SOS1: variants seen among roughly 807,000 people sequenced by gnomAD.
The protein encoded by SOS1 is SOS Ras/Rac guanine nucleotide exchange factor 1, also known as son of sevenless homolog 1.
Under a neutral mutation model 157.6 loss-of-function variants are expected in SOS1, and 25 were observed. That is an observed-to-expected ratio of 0.16 (90% CI 0.12 to 0.22). The LOEUF is 0.22. Among genes scored for constraint, SOS1 ranks in the 10% least tolerant of loss-of-function variants. The pLI, the probability that SOS1 is intolerant of heterozygous loss-of-function variation, is 1.00. For synonymous variants in SOS1, 528 were observed against 534.0 expected, an observed-to-expected ratio of 0.99 and a Z score of 0.16; for missense variants, 1,237 against 1,599.1, an observed-to-expected ratio of 0.77 and a Z score of 3.86.
At chr2:39,062,283 T>C (rs1285771842) in intron 2 of SOS1, among the ~76,000 whole-genome samples, 2 of 151,720 alleles carry the variant, frequency 1.3e-5, no homozygotes, top group Non-Finnish European at 2.9e-5. Context: ...CCAAGCATGG[T>C]GGTGCTCGCT....
At chr2:39,033,922 TAA>T (rs906698708) in intron 8 of SOS1, among the ~76,000 whole-genome samples, 1 of 144,162 alleles carries the variant, frequency 6.9e-6, no homozygotes. Context: ...AGGCTCAGGT[TAA>T]AAAAAAAAAA....
At chr2:39,124,103 G>C (rs573358149), upstream of SOS1, 1 of 152,488 alleles carries the variant, frequency 6.6e-6, no homozygotes, top group East Asian at 1.9e-4. Context: ...TACAGGGAGT[G>C]CCAGGGTCAG....
intron 1 of SOS1, among the ~76,000 whole-genome samples, chr2:39,093,892 A>G (rs1304078262): frequency 6.6e-6 from 1 of 152,236 alleles, no homozygotes; most frequent in Non-Finnish European, 1.5e-5. Context: ...CAATTAACCT[A>G]AAAGAAACTA....
intron 1 of SOS1, among the ~76,000 whole-genome samples, chr2:39,098,656 G>A (rs1363382328): frequency 2.0e-5 from 3 of 152,310 alleles, no homozygotes; most frequent in Non-Finnish European, 2.9e-5. Flanking sequence ...TTGGGAGGCC[G>A]AGGCAGGCAG....
chr2:39,048,528 G>A (rs1670878916), intron 6 of SOS1, among the ~76,000 whole-genome samples: 1 of 151,956 alleles, frequency 6.6e-6, no homozygotes, highest in South Asian at 2.1e-4. Flanking sequence ...AGTCTCCTGA[G>A]TAGCTGGGAT....
intron 1 of SOS1, among the ~76,000 whole-genome samples, chr2:39,118,007 T>C (rs1673718727): frequency 6.6e-6 from 1 of 152,210 alleles, no homozygotes; most frequent in Non-Finnish European, 1.5e-5. Flanking sequence ...TCAAGCACTA[T>C]AAGTATGGGG....
At chr2:39,019,435 G>A (rs1053475575) in intron 10 of SOS1, among the ~76,000 whole-genome samples, 1 of 151,574 alleles carries the variant, frequency 6.6e-6, no homozygotes, top group Non-Finnish European at 1.5e-5. Context: ...TTCTTACTTA[G>A]GATAAGGAAA....
chr2:39,043,249 C>T (rs767379898), intron 6 of SOS1, among the ~76,000 whole-genome samples: 5 of 152,080 alleles, frequency 3.3e-5, no homozygotes, highest in African/African-American at 4.8e-5. Context: ...TTTTAACCTA[C>T]TAAAGTAGAA....
chr2:39,098,713 C>T (rs571666635), intron 1 of SOS1, among the ~76,000 whole-genome samples: 27 of 152,210 alleles, frequency 1.8e-4, no homozygotes, highest in African/African-American at 6.5e-4. Flanking sequence ...TACGGTGAAA[C>T]CCCATCTCTA....
Position 38,982,550 on chromosome 2 carries a change from G to A in SOS1, c.*3274C>T, listed in dbSNP as rs983621733. 4 of 152,118 alleles carry A rather than the reference G, an allele frequency of 2.6e-5. No individual in the cohort carries two copies. The highest frequency in any genetic ancestry group is 4.8e-5 in the African/African-American group (2 of 41,432). 9.4% of individuals were successfully genotyped at this position (152,118 alleles called of 1,614,324 possible). A position where few individuals can be genotyped will look rare whatever the true frequency, so the allele number is the denominator to read the frequency against. On this transcript the variant is annotated 3_prime_UTR_variant, in exon 23 of 23. Coordinates refer to ENST00000402219, the MANE Select transcript of SOS1 (RefSeq NM_005633.4). ...ATACTTGCGTAGTCACACAATATAT[G>A]TTAAAAGAATAAGTAAACCTATTCA...
At chr2:39,058,299 G>A (rs984654326) in intron 3 of SOS1, among the ~76,000 whole-genome samples, 3 of 151,778 alleles carry the variant, frequency 2.0e-5, no homozygotes, top group Admixed American at 6.6e-5. Context: ...TTTCACAGAG[G>A]TCTCTACACA....
intron 2 of SOS1, among the ~76,000 whole-genome samples, chr2:39,061,347 A>G (rs1671395776): frequency 6.6e-6 from 1 of 151,950 alleles, no homozygotes; most frequent in African/African-American, 2.4e-5. Flanking sequence ...ATTTTATGAT[A>G]AAATAAAATT....
chr2:39,122,142 C>T (rs1673910803), upstream of SOS1, among the ~76,000 whole-genome samples: 1 of 152,136 alleles, frequency 6.6e-6, no homozygotes, highest in South Asian at 2.1e-4. Context: ...TAAAAATACA[C>T]AGGCCGGCCA....
chr2:39,057,893 C>T (rs1671266487), intron 3 of SOS1, among the ~76,000 whole-genome samples: 1 of 21,796 alleles, frequency 4.6e-5, no homozygotes, highest in Non-Finnish European at 9.4e-5. Flanking sequence ...AACTTTCTAA[C>T]ACTATCACTT....
chr2:39,012,715 T>A (rs1210776967), intron 13 of SOS1, among the ~76,000 whole-genome samples: 1 of 152,178 alleles, frequency 6.6e-6, no homozygotes, highest in Admixed American at 6.5e-5. Flanking sequence ...ACAAGATTTA[T>A]AAGGATAGAT....
rs138115945 is a variant in SOS1 at position 39,102,941 on chromosome 2, C to T, written c.87+17395G>A. 1.4e-3 allele frequency among the ~76,000 whole-genome samples: 211 copies of T among 151,766 alleles called. 1 individual carries two copies. The highest frequency in any genetic ancestry group is 4.6e-3 in the African/African-American group (191 of 41,356). On this transcript the variant is annotated intron_variant, in intron 1 of 22. Transcript: ENST00000402219. ...CTGCACTCCAGTCTGGGTGACAGGG[C>T]GAGACCCTGTCTCAAAAAAATAAAT... is the stretch of plus-strand genomic sequence containing the variant.
intron 10 of SOS1, among the ~76,000 whole-genome samples, chr2:39,020,965 A>T (rs1053415483): frequency 2.0e-5 from 3 of 151,164 alleles, no homozygotes; most frequent in Non-Finnish European, 3.0e-5. Context: ...GGAATTTTTT[A>T]AAAACATTTT....
At chr2:39,010,770 TAAAGG>T in intron 14 of SOS1, 67 bp from the exon 15 acceptor site, 1 of 1,296,762 alleles carries the variant, frequency 7.7e-7, no homozygotes, top group Non-Finnish European at 1.1e-6. Context: ...TTTTATTAAG[TAAAGG>T]AGACAAATAA....
chr2:39,047,709 C>T lies in SOS1; in HGVS notation c.864+3435G>A, dbSNP rs149259864. Among the ~76,000 whole-genome samples, 1,315 of 152,282 alleles carry T rather than the reference C, an allele frequency of 8.6e-3. 10 individuals are homozygous for T. The highest frequency in any genetic ancestry group is 0.012 in the Non-Finnish European group (833 of 68,018). On this transcript the variant is annotated intron_variant, in intron 6 of 22. Transcript: ENST00000402219. ...TCTTTTCCAGACAGTCTCGCTCTGTCGCCCAGGCTGGAGTACAGTGGTGTG... is the reference window on the plus strand; with the variant it reads ...TCTTTTCCAGACAGTCTCGCTCTGTTGCCCAGGCTGGAGTACAGTGGTGTG...
Sources: allele counts gnomAD v4.1 joint callset (sites outside exome capture counted in the v4.1 genomes callset), GRCh38; gene constraint gnomAD v4.1.1; transcripts MANE v1.5; gene names NCBI Gene and HGNC (gene_info 2026-07-23, HGNC 2026-07-21).